SGCG: variants seen among roughly 807,000 people sequenced by gnomAD.
SGCG encodes sarcoglycan gamma.
Under a neutral mutation model 29.3 loss-of-function variants are expected in SGCG, and 26 were observed. The observed-to-expected ratio is 0.89, with a 90% CI of 0.65 to 1.23. SGCG has a LOEUF of 1.23. SGCG is among the 50% of genes most tolerant of loss of function. The pLI is 0.00. For missense variants in SGCG, 353 were observed against 356.0 expected (o/e 0.99, Z 0.07); for synonymous variants, 145 against 129.7 (o/e 1.12, Z -0.80).
chr13:23,243,197 T>C lies in SGCG; in HGVS notation c.298-7433T>C, dbSNP rs1358998399. Among the ~76,000 whole-genome samples the C allele has an allele frequency of 2.6e-5, 4 of 152,166 alleles. No individual in the cohort carries two copies. In the East Asian group the frequency reaches 7.7e-4, roughly 29 times the overall value. On this transcript the variant is annotated intron_variant, in intron 3 of 7. Coordinates refer to ENST00000218867, the MANE Select transcript of SGCG (RefSeq NM_000231.3). ...CCGTGGCATAAACTAATAGGAGCTT[T>C]TAGTCTCACATAACAGGAAGCTGGA...
intron 6 of SGCG, among the ~76,000 whole-genome samples, chr13:23,304,800 T>C (rs891991928): frequency 1.3e-5 from 2 of 152,164 alleles, no homozygotes; most frequent in Non-Finnish European, 2.9e-5. Context: ...TGTTTGTTTG[T>C]TTGTTTTTGG....
chr13:23,162,419 C>T, the SGCG span, among the ~76,000 whole-genome samples: 2 of 152,142 alleles, frequency 1.3e-5, no homozygotes, highest in Non-Finnish European at 2.9e-5. Context: ...TGGAGACCAT[C>T]CTGGCTCCTG....
At chr13:23,258,231 G>A (rs906674168) in intron 4 of SGCG, among the ~76,000 whole-genome samples, 7 of 152,030 alleles carry the variant, frequency 4.6e-5, no homozygotes, top group Non-Finnish European at 1.0e-4. Flanking sequence ...GTTGAGCAGT[G>A]GTTTGTAGTT....
chr13:23,324,266 A>G, intron 7 of SGCG, 102 bp from the exon 8 acceptor site: 1 of 1,107,776 alleles, frequency 9.0e-7, no homozygotes, highest in Non-Finnish European at 1.4e-6. Flanking sequence ...TTTGTTTTCT[A>G]TGAGGAGAAG....
At chr13:23,181,662 C>G (rs1355197120) in intron 1 of SGCG, among the ~76,000 whole-genome samples, 1 of 152,128 alleles carries the variant, frequency 6.6e-6, no homozygotes, top group Non-Finnish European at 1.5e-5. Flanking sequence ...AAATACTGCT[C>G]AAAATATGTA....
At chr13:23,258,488 T>G (rs1439168762) in intron 4 of SGCG, among the ~76,000 whole-genome samples, 1 of 152,204 alleles carries the variant, frequency 6.6e-6, no homozygotes, top group Non-Finnish European at 1.5e-5. Flanking sequence ...TCATGTCATC[T>G]GCAAATAGGG....
At chr13:23,285,426 C>T (rs571661339) in intron 5 of SGCG, among the ~76,000 whole-genome samples, 26 of 152,278 alleles carry the variant, frequency 1.7e-4, no homozygotes, top group African/African-American at 6.0e-4. Context: ...AAACTGCTAA[C>T]TCAAACCTCA....
chr13:23,312,379 G>C (rs1356236614), intron 6 of SGCG, among the ~76,000 whole-genome samples: 1 of 152,146 alleles, frequency 6.6e-6, no homozygotes, highest in South Asian at 2.1e-4. Flanking sequence ...ACTAGAAAGG[G>C]ACTAAATTTT....
intron 3 of SGCG, among the ~76,000 whole-genome samples, chr13:23,235,377 C>CA (rs139839030): frequency 0.11 from 15,164 of 136,090 alleles, 908 homozygotes; most frequent in Middle Eastern, 0.15. Flanking sequence ...GAAGAAAAAA[C>CA]AAAAAAAAAA....
chr13:23,174,546 G>A, the SGCG span, among the ~76,000 whole-genome samples: 88 of 152,180 alleles, frequency 5.8e-4, 1 homozygote, highest in Non-Finnish European at 9.3e-4. Context: ...TAAAAGTCAG[G>A]AGACAACTAA....
At chr13:23,220,654 T>A (rs79400972) in intron 2 of SGCG, among the ~76,000 whole-genome samples, 9,269 of 152,244 alleles carry the variant, frequency 0.061, 395 homozygotes, top group Middle Eastern at 0.15. Context: ...GAGTCACAAA[T>A]TCCCACTCCT....
At chr13:23,187,760 C>G (rs1877049484) in intron 1 of SGCG, among the ~76,000 whole-genome samples, 1 of 152,200 alleles carries the variant, frequency 6.6e-6, no homozygotes, top group Admixed American at 6.5e-5. Flanking sequence ...CTTGGTGCAT[C>G]TCACAGAGCT....
At position 23,320,615 on chromosome 13, in the gene SGCG, GTGC is replaced by G; in HGVS notation, c.579-20_579-18del. 1 of 710,898 alleles carries G rather than the reference GTGC, an allele frequency of 1.4e-6. No individual in the cohort carries two copies. 44.0% of individuals were successfully genotyped at this position (710,898 alleles called of 1,614,324 possible). A position where few individuals can be genotyped will look rare whatever the true frequency, so the allele number is the denominator to read the frequency against. On this transcript the variant is annotated intron_variant, in intron 6 of 7. Coordinates refer to ENST00000218867, the MANE Select transcript of SGCG (RefSeq NM_000231.3). ...TTTAATACTTTTTTTTTTTTTTTTT[GTGC>G]TTCTTTTCCTCATCTCAGATTAGAA...
At chr13:23,279,814 G>A (rs1051914896) in intron 5 of SGCG, among the ~76,000 whole-genome samples, 12 of 151,180 alleles carry the variant, frequency 7.9e-5, no homozygotes, top group African/African-American at 2.9e-4. Flanking sequence ...TGCAACCTTT[G>A]CCTCCTGGGT....
intron 6 of SGCG, among the ~76,000 whole-genome samples, chr13:23,319,486 A>T (rs1208132276): frequency 6.6e-6 from 1 of 152,174 alleles, no homozygotes; most frequent in African/African-American, 2.4e-5. Context: ...AGAAAATGAA[A>T]CTTTGTCTTC....
intron 2 of SGCG, among the ~76,000 whole-genome samples, chr13:23,215,353 G>C (rs1364473578): frequency 6.6e-6 from 1 of 152,056 alleles, no homozygotes; most frequent in East Asian, 1.9e-4. Context: ...ATAATATCTT[G>C]AAATTACAAA....
rs1271424576 is a variant in SGCG at position 23,324,911 on chromosome 13, T to C, written c.*370T>C. The C allele has an allele frequency of 1.1e-5, 4 of 352,478 alleles. No individual in the cohort carries two copies. Among genetic ancestry groups the C allele is most frequent in the Non-Finnish European group, 2.2e-5 (4 of 179,524 alleles). 21.8% of individuals were successfully genotyped at this position (352,478 alleles called of 1,614,324 possible). On this transcript the variant is annotated 3_prime_UTR_variant, in exon 8 of 8. Transcript: ENST00000218867. The stretch of plus-strand genomic sequence containing the variant: ...ATGACGCTCCACTGTGGATATCTAA[T>C]GCCCTGTTGAGAGTAGCCTTGCTCA...
the SGCG span, among the ~76,000 whole-genome samples, chr13:23,169,613 A>G: frequency 6.6e-6 from 1 of 151,716 alleles, no homozygotes; most frequent in African/African-American, 2.4e-5. Context: ...AGGGAGGCAA[A>G]GGTTGCAGTG....
chr13:23,251,001 T>C (rs1488401742), intron 4 of SGCG, among the ~76,000 whole-genome samples: 1 of 152,128 alleles, frequency 6.6e-6, no homozygotes, highest in Non-Finnish European at 1.5e-5. Flanking sequence ...CCAAAGACTC[T>C]TGCAGCAACC....
Sources: gnomAD v4.1 joint callset for allele counts (sites outside exome capture counted in the v4.1 genomes callset) on GRCh38, gnomAD v4.1.1 for gene constraint, MANE v1.5 for transcripts, NCBI Gene and HGNC (gene_info 2026-07-23, HGNC 2026-07-21) for gene names.